Variants in NEB observed in about 807,000 individuals in gnomAD.
The protein encoded by NEB is nebulin.
In NEB, 512 loss-of-function variants were observed where a neutral mutation model predicts 952.2. That is an observed-to-expected ratio of 0.54 (90% CI 0.50 to 0.58). NEB has a LOEUF of 0.58. NEB is among the 20% of genes least tolerant of loss of function. The pLI is 0.00. For missense variants in NEB, 8,428 were observed against 9,231.1 expected, an observed-to-expected ratio of 0.91 and a Z score of 3.56; for synonymous variants, 2,900 against 3,149.8, an observed-to-expected ratio of 0.92 and a Z score of 2.66.
intron 1 of NEB, 27 bp from the exon 2 acceptor site, chr2:151,733,822 T>C (rs914226737): frequency 1.3e-5 from 2 of 152,224 alleles, no homozygotes; most frequent in African/African-American, 4.8e-5. Context: ...TTGTAAAGCA[T>C]TGATTGAGGT....
chr2:151,495,937 C>T (rs2059885360), intron 173 of NEB, among the ~76,000 whole-genome samples: 1 of 152,142 alleles, frequency 6.6e-6, no homozygotes. Context: ...ATTGGACCTA[C>T]TCCACCACCC....
intron 63 of NEB, 115 bp downstream of exon 63, chr2:151,639,165 T>G: frequency 1.3e-6 from 1 of 779,472 alleles, no homozygotes; most frequent in Non-Finnish European, 2.0e-6. Context: ...GAGTTGTTAT[T>G]CACATGAAAC....
At position 151,540,462 on chromosome 2, in the gene NEB, G is replaced by T; in HGVS notation, c.20788-14C>A. 6.5e-7 allele frequency: 1 copy of T among 1,527,646 alleles called. No homozygotes were observed. Among genetic ancestry groups the T allele is most frequent in the Non-Finnish European group, 8.9e-7 (1 of 1,124,470 alleles). 94.6% of individuals were successfully genotyped at this position (1,527,646 alleles called of 1,614,324 possible). A position where few individuals can be genotyped will look rare whatever the true frequency, so the allele number is the denominator to read the frequency against. On this transcript the variant is annotated splice_polypyrimidine_tract_variant and intron_variant, in intron 137 of 181. Transcript: ENST00000397345. ...CTTGTACTTTTTCTGAGAAATAAAT[G>T]CAGAAGAGAGAGACAAGCTTAAGTG... is the stretch of plus-strand genomic sequence containing the variant.
In NEB at chr2:151,695,638, A is replaced by G. The variant is rs769074908; in HGVS notation, c.1614T>C (p.His538=). The part of the protein sequence containing the change: ...AKHESEKFKC[H]IPPDTPAFIQ... ...TAAAAGCAGGAGTATCAGGGGGGAT[A>G]TGGCACTTGAACTTTTCACTTTCAT... Residue 538 remains histidine (H), a synonymous_variant, in exon 18 of 182, where the codon CAT becomes CAC. Transcript: ENST00000397345. 2 of 1,613,856 alleles carry G rather than the reference A, an allele frequency of 1.2e-6. No individual in the cohort carries two copies. Among genetic ancestry groups the G allele is most frequent in the Middle Eastern group, 1.6e-4 (1 of 6,084 alleles).
intron 105 of NEB, among the ~76,000 whole-genome samples, chr2:151,579,080 C>CAAAAAAAA (rs1159995102): frequency 1.6e-4 from 5 of 31,714 alleles, no homozygotes; most frequent in Admixed American, 4.3e-4. Context: ...GACTCCATCT[C>CAAAAAAAA]AAAAAAAAAA....
At position 151,519,629 on chromosome 2, in the gene NEB, T is replaced by C. The variant is rs763607594; in HGVS notation, c.22590+29A>G. ...AGTTAAAATGGCAAATACCATGTTA[T>C]ATATTTTACCACAATTTTAGAAACA... On this transcript the variant is annotated intron_variant, in intron 154 of 181. Transcript: ENST00000397345. 4.0e-6 allele frequency: 6 copies of C among 1,501,676 alleles called. No individual in the cohort carries two copies. The African/African-American group carries it at 5.5e-5, about 14-fold the overall frequency. The allele number at this position is 1,501,676 out of a possible 1,614,324, so 93.0% of individuals were successfully genotyped here. A position where few individuals can be genotyped will look rare whatever the true frequency, so the allele number is the denominator to read the frequency against.
intron 153 of NEB, among the ~76,000 whole-genome samples, chr2:151,521,064 A>G (rs905749044): frequency 4.6e-5 from 7 of 152,200 alleles, no homozygotes; most frequent in Non-Finnish European, 1.0e-4. Flanking sequence ...CAAAAGGGCA[A>G]TATTTAACCC....
chr2:151,530,737 G>C (rs2090227726), intron 145 of NEB: 1 of 355,792 alleles, frequency 2.8e-6, no homozygotes, highest in Non-Finnish European at 5.1e-6. Context: ...ATCACCAATG[G>C]CTAGCCATGG....
chr2:151,542,349 G>A (rs1364398816), intron 135 of NEB, among the ~76,000 whole-genome samples: 4 of 152,184 alleles, frequency 2.6e-5, no homozygotes, highest in African/African-American at 9.7e-5. Flanking sequence ...ATCACTTTGA[G>A]ATTGATAACT....
In NEB at chr2:151,640,778, T is replaced by C. The variant is rs2098836834; in HGVS notation, c.8374-112A>G. On this transcript the variant is annotated intron_variant, in intron 60 of 181. Coordinates refer to ENST00000397345, the MANE Select transcript of NEB (RefSeq NM_001164508.2). ...AAAAAATTTTCCCTGAATATGTAAATTATATGATAGATGTAGAAACAATTT... is the reference window on the plus strand; with the variant it reads ...AAAAAATTTTCCCTGAATATGTAAACTATATGATAGATGTAGAAACAATTT... 4 of 983,956 alleles carry C rather than the reference T, an allele frequency of 4.1e-6. No individual in the cohort carries two copies. In the South Asian group the frequency reaches 7.4e-5, roughly 18 times the overall value. 61.0% of individuals were successfully genotyped at this position (983,956 alleles called of 1,614,324 possible).
At position 151,605,999 on chromosome 2, in the gene NEB, T is replaced by C. The variant is rs536088464; in HGVS notation, c.12747+607A>G. Among the ~76,000 whole-genome samples the C allele has an allele frequency of 1.3e-3, 130 of 99,376 alleles. 13 individuals carry two copies. Among genetic ancestry groups the C allele is most frequent in the African/African-American group, 3.3e-3 (124 of 37,680 alleles). 65.2% of individuals were successfully genotyped at this position (99,376 alleles called of 152,430 possible). A position where few individuals can be genotyped will look rare whatever the true frequency, so the allele number is the denominator to read the frequency against. On this transcript the variant is annotated intron_variant, in intron 84 of 181. Transcript: ENST00000397345. ...TTGTTTGTTTGTTTGTTTGTATTTTTAGTAGAGATGAGGTTTTACCATGTT... is the reference window on the plus strand; with the variant it reads ...TTGTTTGTTTGTTTGTTTGTATTTTCAGTAGAGATGAGGTTTTACCATGTT...
At chr2:151,515,365 T>G (rs1442099015) in intron 157 of NEB, among the ~76,000 whole-genome samples, 1 of 152,188 alleles carries the variant, frequency 6.6e-6, no homozygotes, top group Non-Finnish European at 1.5e-5. Flanking sequence ...AATGCTAACT[T>G]GCTTTTTTTC....
intron 72 of NEB, among the ~76,000 whole-genome samples, chr2:151,620,186 TG>T (rs1226457863): frequency 6.6e-6 from 1 of 151,702 alleles, no homozygotes; most frequent in Non-Finnish European, 1.5e-5. Flanking sequence ...AGTTTTAAAA[TG>T]GACAATTTCT....
At position 151,612,196 on chromosome 2, in the gene NEB, G is replaced by T; in HGVS notation, c.11795C>A (p.Thr3932Lys). ...EIVLAKNNAL[T>K]MSKHLYTEAW... ...CAGCTGGAGACTCACCTTGCTCATTGTCAGGGCATTATTCTTTGCTAGGAC... is the reference window on the plus strand; with the variant it reads ...CAGCTGGAGACTCACCTTGCTCATTTTCAGGGCATTATTCTTTGCTAGGAC... The change falls in exon 78 of 182, where the codon ACA (threonine) becomes AAA (lysine). Residue 3932 changes from threonine to lysine, a missense_variant. Around this residue, in one of 11 missense-constraint regions of NEB, gnomAD observed 337 missense variants for 297.5 expected, o/e 1.13. Transcript: ENST00000397345. The T allele has an allele frequency of 6.2e-7, 1 of 1,613,466 alleles. No individual in the cohort carries two copies. Among genetic ancestry groups the T allele is most frequent in the Non-Finnish European group, 8.5e-7 (1 of 1,179,572 alleles).
chr2:151,666,876 T>G (rs2099225475), intron 40 of NEB, among the ~76,000 whole-genome samples: 1 of 152,102 alleles, frequency 6.6e-6, no homozygotes, highest in East Asian at 1.9e-4. Context: ...TATGCTTTTT[T>G]ATGACTATAT....
chr2:151,501,493 C>A lies in NEB; in HGVS notation c.23929-10G>T. ...TCTCTTTGTACAATATCTGTGTGCACAAAACCAACAAACAAATCAACCTGG... is the reference window on the plus strand; with the variant it reads ...TCTCTTTGTACAATATCTGTGTGCAAAAAACCAACAAACAAATCAACCTGG... On this transcript the variant is annotated splice_polypyrimidine_tract_variant and intron_variant, in intron 167 of 181. Transcript: ENST00000397345. 7.0e-7 allele frequency: 1 copy of A among 1,434,218 alleles called. No individual in the cohort carries two copies. The highest frequency in any genetic ancestry group is 9.3e-7 in the Non-Finnish European group (1 of 1,075,278). 88.8% of individuals were successfully genotyped at this position (1,434,218 alleles called of 1,614,324 possible). A position where few individuals can be genotyped will look rare whatever the true frequency, so the allele number is the denominator to read the frequency against.
chr2:151,544,571 G>C (rs138410068), intron 135 of NEB, among the ~76,000 whole-genome samples: 4 of 152,264 alleles, frequency 2.6e-5, no homozygotes, highest in Non-Finnish European at 5.9e-5. Flanking sequence ...TAAAAATAAC[G>C]TAAGCGTTCT....
intron 27 of NEB, among the ~76,000 whole-genome samples, chr2:151,686,203 T>C (rs1559239920): frequency 6.6e-6 from 1 of 152,228 alleles, no homozygotes; most frequent in African/African-American, 2.4e-5. Flanking sequence ...CACATACCAG[T>C]ACATATAAAA....
intron 129 of NEB, 143 bp downstream of exon 129, chr2:151,551,595 G>A (rs1458884706): frequency 1.5e-6 from 1 of 658,578 alleles, no homozygotes; most frequent in African/African-American, 1.9e-5. Context: ...GATAGATTAT[G>A]CTCTGTGTTT....
Sources: allele counts gnomAD v4.1 joint callset (sites outside exome capture counted in the v4.1 genomes callset), GRCh38; gene constraint gnomAD v4.1.1; regional missense constraint gnomAD v4.1.1; transcripts MANE v1.5; gene names NCBI Gene and HGNC (gene_info 2026-07-23, HGNC 2026-07-21).